Variants in GABRG3 observed in about 807,000 individuals in gnomAD.
GABRG3 encodes gamma-aminobutyric acid receptor subunit gamma-3.
Under a neutral mutation model 48.8 loss-of-function variants are expected in GABRG3, and 25 were observed. The ratio of observed to expected loss-of-function variants is 0.51; its 90% confidence interval spans 0.37 to 0.72. The LOEUF is 0.72. GABRG3 is among the 30% of genes least tolerant of loss of function. The probability of loss-of-function intolerance (pLI) is 0.00; values close to 1 mark genes in which losing one functional copy is unlikely to be tolerated. For synonymous variants in GABRG3, 227 were observed against 217.6 expected (o/e 1.04, Z -0.38); for missense variants, 394 against 577.9 (o/e 0.68, Z 3.26).
chr15:27,407,358 C>T (rs1887669990), intron 5 of GABRG3, among the ~76,000 whole-genome samples: 1 of 152,196 alleles, frequency 6.6e-6, no homozygotes, highest in South Asian at 2.1e-4. Context: ...TCATGTATTG[C>T]TGGTGGAAAT....
At chr15:27,512,781 T>C (rs919805836) in intron 6 of GABRG3, among the ~76,000 whole-genome samples, 2 of 152,070 alleles carry the variant, frequency 1.3e-5, no homozygotes, top group African/African-American at 4.8e-5. Context: ...GGCCAGGGGC[T>C]CCAGAAACCT....
intron 5 of GABRG3, among the ~76,000 whole-genome samples, chr15:27,417,063 A>G (rs919973903): frequency 1.3e-5 from 2 of 152,204 alleles, no homozygotes; most frequent in African/African-American, 4.8e-5. Flanking sequence ...AGGTGATATT[A>G]CCATCCCAAA....
At chr15:27,197,463 A>T (rs1888530233) in intron 3 of GABRG3, among the ~76,000 whole-genome samples, 2 of 132,870 alleles carry the variant, frequency 1.5e-5, no homozygotes, top group Non-Finnish European at 1.6e-5. Flanking sequence ...ATTTCCTTTA[A>T]CGGCTATTTT....
intron 2 of GABRG3, among the ~76,000 whole-genome samples, chr15:27,018,608 G>C (rs1048611437): frequency 1.3e-5 from 2 of 152,094 alleles, no homozygotes; most frequent in South Asian, 4.1e-4. Context: ...GACATCTATA[G>C]TTCTGGGATT....
At chr15:27,240,435 G>A (rs575188264) in intron 3 of GABRG3, among the ~76,000 whole-genome samples, 1 of 152,238 alleles carries the variant, frequency 6.6e-6, no homozygotes, top group East Asian at 1.9e-4. Flanking sequence ...CTCCATCCAA[G>A]TTGTTGATTA....
At chr15:27,327,662 T>TG (rs1039878903) in intron 4 of GABRG3, among the ~76,000 whole-genome samples, 12 of 152,184 alleles carry the variant, frequency 7.9e-5, no homozygotes, top group African/African-American at 2.9e-4. Flanking sequence ...GCACAGGGAC[T>TG]GGATGGTCCC....
chr15:27,462,093 C>T (rs1372691610), intron 5 of GABRG3, among the ~76,000 whole-genome samples: 2 of 152,148 alleles, frequency 1.3e-5, no homozygotes, highest in African/African-American at 4.8e-5. Flanking sequence ...GAAGCACACC[C>T]AGCCCCTTGC....
chr15:26,988,565 G>A (rs895441777), intron 2 of GABRG3, among the ~76,000 whole-genome samples: 2 of 151,942 alleles, frequency 1.3e-5, no homozygotes, highest in Non-Finnish European at 2.9e-5. Flanking sequence ...TGACATATAG[G>A]TGAATCTTGC....
intron 5 of GABRG3, among the ~76,000 whole-genome samples, chr15:27,378,549 G>A (rs1895670030): frequency 6.6e-6 from 1 of 152,122 alleles, no homozygotes; most frequent in Non-Finnish European, 1.5e-5. Flanking sequence ...TATGATCCAG[G>A]TATGGATTCC....
chr15:27,491,734 G>T (rs1890359606), intron 6 of GABRG3, among the ~76,000 whole-genome samples: 1 of 152,126 alleles, frequency 6.6e-6, no homozygotes, highest in South Asian at 2.1e-4. Flanking sequence ...GTAATTACCA[G>T]TAAAAAAGTG....
At chr15:27,347,641 T>G (rs977790871) in intron 5 of GABRG3, among the ~76,000 whole-genome samples, 2 of 152,208 alleles carry the variant, frequency 1.3e-5, no homozygotes, top group Non-Finnish European at 2.9e-5. Context: ...ATATGGGATC[T>G]TTCTTGCATT....
chr15:27,477,217 C>T (rs1889966560), intron 5 of GABRG3, among the ~76,000 whole-genome samples: 3 of 152,052 alleles, frequency 2.0e-5, no homozygotes, highest in African/African-American at 7.2e-5. Flanking sequence ...AAATAAAATG[C>T]AATACATCTA....
chr15:27,247,215 TA>T (rs1890296653), intron 3 of GABRG3, among the ~76,000 whole-genome samples: 1 of 152,108 alleles, frequency 6.6e-6, no homozygotes, highest in Non-Finnish European at 1.5e-5. Context: ...GCTGAGATTA[TA>T]GGCATGAGCC....
At chr15:27,193,801 GT>G (rs1429529897) in intron 3 of GABRG3, among the ~76,000 whole-genome samples, 1 of 152,156 alleles carries the variant, frequency 6.6e-6, no homozygotes, top group Non-Finnish European at 1.5e-5. Context: ...GAAATCACCC[GT>G]TTTCTGCGTC....
intron 3 of GABRG3, among the ~76,000 whole-genome samples, chr15:27,245,193 G>A (rs896895291): frequency 6.6e-6 from 1 of 152,272 alleles, no homozygotes; most frequent in East Asian, 1.9e-4. Context: ...GCCAGGCCTT[G>A]GAAGGTGACG....
chr15:27,431,899 C>T (rs1163098205), intron 5 of GABRG3, among the ~76,000 whole-genome samples: 1 of 152,098 alleles, frequency 6.6e-6, no homozygotes, highest in African/African-American at 2.4e-5. Context: ...CTTCTTTGAC[C>T]TTTTATTCTT....
At chr15:27,246,856 G>A (rs1259225245) in intron 3 of GABRG3, among the ~76,000 whole-genome samples, 3 of 152,220 alleles carry the variant, frequency 2.0e-5, no homozygotes, top group Non-Finnish European at 4.4e-5. Context: ...TGACCTGAAT[G>A]GAAGAACACG....
At chr15:27,130,727 CTG>C (rs1158643931) in intron 3 of GABRG3, among the ~76,000 whole-genome samples, 4 of 152,114 alleles carry the variant, frequency 2.6e-5, no homozygotes, top group African/African-American at 9.6e-5. Context: ...GCATACACGT[CTG>C]TTGTCCATTG....
At chr15:27,208,264 T>G (rs1017030798) in intron 3 of GABRG3, 21 of 179,052 alleles carry the variant, frequency 1.2e-4, no homozygotes, top group African/African-American at 4.7e-4. Context: ...GGCTGTAACC[T>G]TCCCAGCACT....
Sources: allele counts gnomAD v4.1 joint callset (sites outside exome capture counted in the v4.1 genomes callset), GRCh38; gene constraint gnomAD v4.1.1; transcripts MANE v1.5; gene names NCBI Gene and HGNC (gene_info 2026-07-23, HGNC 2026-07-21).